ENTPD3: variants seen among roughly 807,000 people sequenced by gnomAD.
ENTPD3 encodes ectonucleoside triphosphate diphosphohydrolase 3, also known as CD39 antigen-like 3.
In ENTPD3, 60 loss-of-function variants were observed where a neutral mutation model predicts 51.2. That is an observed-to-expected ratio of 1.17 (90% CI 0.95 to 1.45). ENTPD3 has a LOEUF of 1.45. Among genes scored for constraint, ENTPD3 ranks in the 40% most tolerant of loss-of-function variants. ENTPD3 has a pLI of 0.00. For missense variants in ENTPD3, 593 were observed against 641.1 expected (o/e 0.93, Z 0.81); for synonymous variants, 221 against 238.4 (o/e 0.93, Z 0.67).
chr3:40,398,474 T>A (rs1955262917), intron 3 of ENTPD3, among the ~76,000 whole-genome samples: 1 of 152,134 alleles, frequency 6.6e-6, no homozygotes. Context: ...CTCTTTAGTT[T>A]AGTGCCTGGT....
At chr3:40,415,515 C>T (rs536196334) in intron 6 of ENTPD3, among the ~76,000 whole-genome samples, 2 of 152,272 alleles carry the variant, frequency 1.3e-5, no homozygotes, top group Non-Finnish European at 1.5e-5. Context: ...TCCCAAAAAT[C>T]GGAGGAACTG....
At chr3:40,408,702 A>G (rs188415219) in intron 4 of ENTPD3, among the ~76,000 whole-genome samples, 43 of 152,326 alleles carry the variant, frequency 2.8e-4, no homozygotes, top group Non-Finnish European at 5.7e-4. Flanking sequence ...TTACAAAATA[A>G]TATATTTTCA....
chr3:40,389,944 C>A (rs1366529501), intron 2 of ENTPD3, among the ~76,000 whole-genome samples: 1 of 152,160 alleles, frequency 6.6e-6, no homozygotes, highest in African/African-American at 2.4e-5. Flanking sequence ...AATTGATCTT[C>A]CTATAATGAT....
chr3:40,412,031 G>T, intron 5 of ENTPD3, 69 bp downstream of exon 5: 1 of 1,411,264 alleles, frequency 7.1e-7, no homozygotes, highest in Non-Finnish European at 9.4e-7. Flanking sequence ...ATCTTGCCAA[G>T]AATGTAACTC....
At chr3:40,392,989 CAA>C (rs79999441) in intron 3 of ENTPD3, among the ~76,000 whole-genome samples, 56 of 131,364 alleles carry the variant, frequency 4.3e-4, no homozygotes, top group East Asian at 4.3e-4. Flanking sequence ...ACCCCCCCGG[CAA>C]AAAAAAAAAA....
At chr3:40,414,611 G>C in intron 5 of ENTPD3, 70 bp from the exon 6 acceptor site, 1 of 1,544,774 alleles carries the variant, frequency 6.5e-7, no homozygotes, top group Non-Finnish European at 8.9e-7. Context: ...ATTTTCACCT[G>C]AGTGAGACTA....
rs1211484295 is a variant in ENTPD3, at chr3:40,427,860, T to C, written c.*352T>C. On this transcript the variant is annotated 3_prime_UTR_variant, in exon 11 of 11. Coordinates refer to ENST00000301825, the MANE Select transcript of ENTPD3 (RefSeq NM_001248.4). Reference sequence around the variant, plus strand: ...AATTGACCTCAGGGCTCAGTTTCCATTTCCCTCCCTCAGTATTCTTCCTGG... The same window carrying C: ...AATTGACCTCAGGGCTCAGTTTCCACTTCCCTCCCTCAGTATTCTTCCTGG... 3.9e-6 allele frequency: 1 copy of C among 259,166 alleles called. No homozygotes were observed. The highest frequency in any genetic ancestry group is 7.4e-6 in the Non-Finnish European group (1 of 134,566). 16.1% of individuals were successfully genotyped at this position (259,166 alleles called of 1,614,324 possible).
At chr3:40,426,255 C>T (rs924599692) in intron 10 of ENTPD3, among the ~76,000 whole-genome samples, 20 of 151,668 alleles carry the variant, frequency 1.3e-4, no homozygotes, top group African/African-American at 4.8e-4. Context: ...ATTACAGGCA[C>T]CCACCATCAT....
intron 10 of ENTPD3, among the ~76,000 whole-genome samples, chr3:40,425,667 C>T (rs1354834259): frequency 1.3e-5 from 2 of 151,884 alleles, no homozygotes; most frequent in Non-Finnish European, 2.9e-5. Flanking sequence ...GAGGCCGAGG[C>T]AGGTGAATCA....
At chr3:40,402,111 C>CTTTTTTTTTTTTTTTTTTTT (rs775322652) in intron 4 of ENTPD3, among the ~76,000 whole-genome samples, 5 of 97,278 alleles carry the variant, frequency 5.1e-5, no homozygotes, top group East Asian at 2.9e-4. Flanking sequence ...ATTTCCTTTC[C>CTTTTTTTTTTTTTTTTTTTT]TTTTTTTTTT....
chr3:40,391,757 G>A, intron 2 of ENTPD3: 1 of 463,492 alleles, frequency 2.2e-6, no homozygotes, highest in Non-Finnish European at 3.8e-6. Context: ...CAAAATATCA[G>A]AAAACTAGAC....
intron 5 of ENTPD3, among the ~76,000 whole-genome samples, chr3:40,413,788 C>T (rs1575225626): frequency 1.3e-5 from 2 of 152,244 alleles, no homozygotes; most frequent in Admixed American, 1.3e-4. Context: ...TTCTGAGAAA[C>T]TAGCTGATAT....
chr3:40,388,565 C>T (rs889693174), intron 2 of ENTPD3, among the ~76,000 whole-genome samples: 1 of 143,460 alleles, frequency 7.0e-6, no homozygotes, highest in Non-Finnish European at 1.5e-5. Flanking sequence ...TTTTCTCACA[C>T]TGGAAGGCAC....
intron 8 of ENTPD3, 46 bp downstream of exon 8, chr3:40,423,168 C>A (rs772022586): frequency 6.3e-7 from 1 of 1,585,780 alleles, no homozygotes; most frequent in African/African-American, 1.4e-5. Flanking sequence ...ATTGAATATT[C>A]ATTTCTCACT....
rs146360447 is a variant in ENTPD3 at position 40,389,612 on chromosome 3, T to C, written c.40+1515T>C. ...CCAGTTTACACTTTCAATGACAAGGTAGGAGGATTAAGGTGTTAAGTGACC... is the reference window on the plus strand; with the variant it reads ...CCAGTTTACACTTTCAATGACAAGGCAGGAGGATTAAGGTGTTAAGTGACC... On this transcript the variant is annotated intron_variant, in intron 2 of 10. Transcript: ENST00000301825. Among the ~76,000 whole-genome samples, 293 of 152,242 alleles carry C rather than the reference T, an allele frequency of 1.9e-3. 3 individuals carry two copies. Among genetic ancestry groups the C allele is most frequent in the African/African-American group, 6.8e-3 (284 of 41,536 alleles).
At chr3:40,390,898 C>A (rs1011795308) in intron 2 of ENTPD3, 1 of 152,148 alleles carries the variant, frequency 6.6e-6, no homozygotes, top group African/African-American at 2.4e-5. Flanking sequence ...ATTCCTGTTA[C>A]CTTCCTACTT....
chr3:40,425,026 C>A (rs138990588), intron 10 of ENTPD3: 29 of 340,396 alleles, frequency 8.5e-5, no homozygotes, highest in African/African-American at 5.8e-4. Flanking sequence ...AATGACTTTC[C>A]ATTTGAATGC....
intron 7 of ENTPD3, 95 bp from the exon 8 acceptor site, chr3:40,422,755 C>T (rs1347914152): frequency 9.4e-7 from 1 of 1,061,408 alleles, no homozygotes; most frequent in East Asian, 2.4e-5. Context: ...TCCAGTCTAT[C>T]ACTATTGGAC....
At chr3:40,411,399 G>A (rs1955628825) in intron 4 of ENTPD3, among the ~76,000 whole-genome samples, 1 of 151,942 alleles carries the variant, frequency 6.6e-6, no homozygotes, top group Non-Finnish European at 1.5e-5. Context: ...TTTACTTTTT[G>A]TGACACATAC....
Sources: allele counts gnomAD v4.1 joint callset (sites outside exome capture counted in the v4.1 genomes callset), GRCh38; gene constraint gnomAD v4.1.1; transcripts MANE v1.5; gene names NCBI Gene and HGNC (gene_info 2026-07-23, HGNC 2026-07-21).